DLG1: variants seen among roughly 807,000 people sequenced by gnomAD.
DLG1 encodes the protein discs large MAGUK scaffold protein 1.
A neutral mutation model predicts 123.4 loss-of-function variants in DLG1; 42 were observed. The observed-to-expected ratio is 0.34, with a 90% confidence interval of 0.27 to 0.44. The LOEUF (loss-of-function observed/expected upper bound fraction) is 0.44, where lower values mean the gene tolerates loss of function less well. Ranked by LOEUF, DLG1 falls within the 20% of genes least tolerant of loss-of-function variation. The probability of loss-of-function intolerance (pLI) is 1.00; values close to 1 mark genes in which losing one functional copy is unlikely to be tolerated. For synonymous variants in DLG1, 317 were observed against 356.2 expected, an observed-to-expected ratio of 0.89 and a Z score of 1.24; for missense variants, 942 against 1,082.6, an observed-to-expected ratio of 0.87 and a Z score of 1.82.
intron 24 of DLG1, among the ~76,000 whole-genome samples, chr3:197,050,285 TG>T (rs1220863767): frequency 6.6e-6 from 1 of 151,624 alleles, no homozygotes; most frequent in Non-Finnish European, 1.5e-5. Flanking sequence ...GAGAATGGCG[TG>T]AACACGGAAG....
At chr3:197,151,152 C>T (rs1577125050) in intron 5 of DLG1, among the ~76,000 whole-genome samples, 1 of 151,956 alleles carries the variant, frequency 6.6e-6, no homozygotes, top group African/African-American at 2.4e-5. Flanking sequence ...TGGTATTTTA[C>T]GTTGCTAAAA....
intron 18 of DLG1, chr3:197,069,486 G>A (rs1742119634): frequency 2.9e-6 from 1 of 344,556 alleles, no homozygotes; most frequent in South Asian, 8.2e-5. Context: ...CACAGTTTAT[G>A]AACAAATCTA....
rs71623339 is a variant in DLG1, at chr3:197,158,634, C to CAAAAAAAAAAAAAAAAA, written c.484-8855_484-8839dup. Among the ~76,000 whole-genome samples the CAAAAAAAAAAAAAAAAA allele has an allele frequency of 2.3e-3, 156 of 67,484 alleles. 8 individuals are homozygous for CAAAAAAAAAAAAAAAAA. The highest frequency in any genetic ancestry group is 5.6e-3 in the African/African-American group (101 of 18,130). 44.3% of individuals were successfully genotyped at this position (67,484 alleles called of 152,430 possible). On this transcript the variant is annotated intron_variant, in intron 5 of 24. Coordinates refer to ENST00000667157, the MANE Select transcript of DLG1 (RefSeq NM_001366207.1). Reference sequence around the variant, plus strand: ...GGGTAACAAGAGCAAAACTCCATTTCAAAAAAAAAAAAAAAAAAAAAAAGC... The same window carrying CAAAAAAAAAAAAAAAAA: ...GGGTAACAAGAGCAAAACTCCATTTCAAAAAAAAAAAAAAAAAAAAAAAAAAAAAAAAAAAAAAAAGC...
intron 4 of DLG1, among the ~76,000 whole-genome samples, chr3:197,267,628 TTC>T (rs1463579850): frequency 4.6e-5 from 7 of 151,258 alleles, no homozygotes; most frequent in Admixed American, 4.0e-4. Flanking sequence ...ACAGTAACTG[TTC>T]TCTTTTTTCC....
chr3:197,146,888 C>G (rs1791055495), intron 6 of DLG1, among the ~76,000 whole-genome samples: 2 of 152,102 alleles, frequency 1.3e-5, no homozygotes, highest in Admixed American at 1.3e-4. Context: ...TCTTCACAAT[C>G]TATACTTCTG....
At chr3:197,298,022 C>G in intron 1 of DLG1, 1 of 770,764 alleles carries the variant, frequency 1.3e-6, no homozygotes, top group Non-Finnish European at 1.6e-6. Context: ...GCCGCGGCCC[C>G]CCGGCCCGCT....
chr3:197,296,061 C>T (rs1324913447), intron 3 of DLG1, among the ~76,000 whole-genome samples: 1 of 152,166 alleles, frequency 6.6e-6, no homozygotes, highest in Non-Finnish European at 1.5e-5. Flanking sequence ...CTCAGTCATA[C>T]CTTTTAGGTC....
At chr3:197,213,442 T>A (rs948690515) in intron 4 of DLG1, among the ~76,000 whole-genome samples, 3 of 152,160 alleles carry the variant, frequency 2.0e-5, no homozygotes, top group African/African-American at 7.2e-5. Flanking sequence ...CACAATCTTT[T>A]TGGAGTGAGG....
intron 4 of DLG1, among the ~76,000 whole-genome samples, chr3:197,280,859 T>C (rs143524066): frequency 3.3e-5 from 5 of 152,300 alleles, no homozygotes; most frequent in African/African-American, 1.2e-4. Context: ...GCTGCATACC[T>C]GAGACTGGGT....
chr3:197,224,322 T>C (rs920132451), intron 4 of DLG1, among the ~76,000 whole-genome samples: 4 of 152,170 alleles, frequency 2.6e-5, no homozygotes, highest in African/African-American at 9.7e-5. Context: ...AAACCTTTTA[T>C]AATAATAGTA....
At chr3:197,069,981 C>G (rs1457761394) in intron 18 of DLG1, 2 of 152,176 alleles carry the variant, frequency 1.3e-5, no homozygotes, top group Non-Finnish European at 2.9e-5. Context: ...CACTGGCTGG[C>G]TTTTGCAAAA....
At chr3:197,262,867 C>CAT (rs1278878528) in intron 4 of DLG1, among the ~76,000 whole-genome samples, 2 of 152,188 alleles carry the variant, frequency 1.3e-5, no homozygotes, top group African/African-American at 2.4e-5. Context: ...GACCTAAATA[C>CAT]ATATGTATGT....
intron 23 of DLG1, among the ~76,000 whole-genome samples, chr3:197,056,262 A>ATAAC (rs1039426994): frequency 6.2e-4 from 94 of 152,302 alleles, no homozygotes; most frequent in African/African-American, 2.2e-3. Context: ...CTCTAGCTCC[A>ATAAC]TAACTGATTA....
intron 4 of DLG1, among the ~76,000 whole-genome samples, chr3:197,207,545 T>C (rs1181850300): frequency 6.6e-6 from 1 of 152,150 alleles, no homozygotes; most frequent in Non-Finnish European, 1.5e-5. Flanking sequence ...ACTGAAATTC[T>C]TGTAAAAAAC....
chr3:197,059,325 TTC>T (rs1371808929), intron 23 of DLG1, among the ~76,000 whole-genome samples: 16 of 152,176 alleles, frequency 1.1e-4, no homozygotes, highest in Non-Finnish European at 2.1e-4. Context: ...TCTTTTCCTA[TTC>T]TCTTACTTTC....
At chr3:197,180,839 G>T (rs1348584893) in intron 5 of DLG1, among the ~76,000 whole-genome samples, 3 of 152,078 alleles carry the variant, frequency 2.0e-5, no homozygotes, top group Non-Finnish European at 4.4e-5. Context: ...TACTGAAGAG[G>T]TATTAGATTA....
Position 197,046,594 on chromosome 3 carries a change from G to A in DLG1, c.2576-1865C>T, listed in dbSNP as rs370533888. ...TTTATAAAAGAATGGGTCTTTGGCCGGGTGCAGTGGCTCACGCCTGTAGTC... is the reference window on the plus strand; with the variant it reads ...TTTATAAAAGAATGGGTCTTTGGCCAGGTGCAGTGGCTCACGCCTGTAGTC... On this transcript the variant is annotated intron_variant, in intron 24 of 24. Coordinates refer to ENST00000667157, the MANE Select transcript of DLG1 (RefSeq NM_001366207.1). Among the ~76,000 whole-genome samples the A allele has an allele frequency of 3.9e-5, 6 of 152,310 alleles. No individual in the cohort carries two copies. The East Asian group carries it at 7.7e-4, about 20-fold the overall frequency.
intron 4 of DLG1, among the ~76,000 whole-genome samples, chr3:197,236,426 GA>G (rs1454286646): frequency 6.6e-6 from 1 of 151,986 alleles, no homozygotes; most frequent in Non-Finnish European, 1.5e-5. Context: ...TCTTCACGCT[GA>G]AAAAAAATAC....
rs147810908 is a variant in DLG1 at position 197,205,116 on chromosome 3, T to C, written c.319-10527A>G. On this transcript the variant is annotated intron_variant, in intron 4 of 24. Coordinates refer to ENST00000667157, the MANE Select transcript of DLG1 (RefSeq NM_001366207.1). ...ATAAAGCTATACATGTGAAAAATGG[T>C]ATACCTTACCAATACTGGGACTTAC... 3.9e-3 allele frequency among the ~76,000 whole-genome samples: 589 copies of C among 152,250 alleles called. 3 individuals carry two copies. The highest frequency in any genetic ancestry group is 6.8e-3 in the Non-Finnish European group (462 of 68,008).
Sources: gnomAD v4.1 joint callset for allele counts (sites outside exome capture counted in the v4.1 genomes callset) on GRCh38, gnomAD v4.1.1 for gene constraint, MANE v1.5 for transcripts, NCBI Gene and HGNC (gene_info 2026-07-23, HGNC 2026-07-21) for gene names.